CACNB2: variants seen among roughly 807,000 people sequenced by gnomAD.
CACNB2 encodes the protein calcium voltage-gated channel auxiliary subunit beta 2, also known as voltage-dependent L-type calcium channel subunit beta-2.
CACNB2 carries 42 observed loss-of-function variants against 73.3 expected under a neutral mutation model. That is an observed-to-expected ratio of 0.57 (90% confidence interval 0.45 to 0.74). CACNB2 has a LOEUF of 0.74. Among genes scored for constraint, CACNB2 ranks in the 30% least tolerant of loss-of-function variants. The pLI, the probability that CACNB2 is intolerant of heterozygous loss-of-function variation, is 0.00. For missense variants in CACNB2, 940 were observed against 853.0 expected, an observed-to-expected ratio of 1.10 and a Z score of -1.27; for synonymous variants, 348 against 310.3, an observed-to-expected ratio of 1.12 and a Z score of -1.28.
At chr10:18,501,615 A>G (rs1433460313) in intron 5 of CACNB2, among the ~76,000 whole-genome samples, 2 of 152,382 alleles carry the variant, frequency 1.3e-5, no homozygotes, top group African/African-American at 4.8e-5. Context: ...AATCGTATGC[A>G]GACGGGTCTA....
At chr10:18,357,077 T>C (rs2041952261) in intron 2 of CACNB2, among the ~76,000 whole-genome samples, 1 of 150,216 alleles carries the variant, frequency 6.7e-6, no homozygotes, top group Admixed American at 6.7e-5. Flanking sequence ...CCCGTGTAGC[T>C]GGGACTACAG....
intron 3 of CACNB2, among the ~76,000 whole-genome samples, chr10:18,459,204 A>G (rs1020360319): frequency 1.3e-5 from 2 of 152,218 alleles, no homozygotes; most frequent in Admixed American, 6.5e-5. Flanking sequence ...TTGCTGCCTC[A>G]TTGTCACAGC....
In CACNB2 at chr10:18,314,150, A is replaced by G. The variant is rs548578903; in HGVS notation, c.214-87774A>G. ...GATTTTATCACTTGGAAACTCTATA[A>G]TTATCATACTAAATTCCCGATATTG... On this transcript the variant is annotated intron_variant, in intron 2 of 13. Coordinates refer to ENST00000324631, the MANE Select transcript of CACNB2 (RefSeq NM_201596.3). Among the ~76,000 whole-genome samples, 38 of 152,340 alleles carry G rather than the reference A, an allele frequency of 2.5e-4. No individual in the cohort carries two copies. In the Middle Eastern group the frequency reaches 0.01, roughly 41 times the overall value.
chr10:18,524,911 T>C (rs2052313013), intron 9 of CACNB2, among the ~76,000 whole-genome samples: 1 of 150,072 alleles, frequency 6.7e-6, no homozygotes. Context: ...GCACCTGTAG[T>C]CCCAGCTACT....
chr10:18,278,141 G>A (rs2038378822), intron 2 of CACNB2, among the ~76,000 whole-genome samples: 1 of 152,164 alleles, frequency 6.6e-6, no homozygotes, highest in South Asian at 2.1e-4. Context: ...TTATATAACT[G>A]CTATGCATAC....
intron 2 of CACNB2, among the ~76,000 whole-genome samples, chr10:18,323,342 G>A (rs2040465016): frequency 2.0e-5 from 3 of 151,728 alleles, no homozygotes; most frequent in African/African-American, 7.3e-5. Context: ...TTTGTATTTT[G>A]TATGTAAATG....
In CACNB2 at chr10:18,518,420, G is replaced by T. The variant is rs781716255; in HGVS notation, c.885+4G>T. 1 of 1,588,262 alleles carries T rather than the reference G, an allele frequency of 6.3e-7. No homozygotes were observed. Among genetic ancestry groups the T allele is most frequent in the South Asian group, 1.1e-5 (1 of 90,512 alleles). ...CCCTTCTCTGAAGGGCTACGAGGTG[G>T]GTAGCAGCCTTCCACAGGAAGCTTA... On this transcript the variant is annotated splice_donor_region_variant and intron_variant, in intron 8 of 13. Transcript: ENST00000324631.
rs193293247 is a variant in CACNB2, at chr10:18,362,281, T to G, written c.214-39643T>G. On this transcript the variant is annotated intron_variant, in intron 2 of 13. Transcript: ENST00000324631. Reference sequence around the variant, plus strand: ...ATTAAAACATTTTCAACTTAATTTGTATTTCTAAAAAGTCATGATGAATTT... The same window carrying G: ...ATTAAAACATTTTCAACTTAATTTGGATTTCTAAAAAGTCATGATGAATTT... Among the ~76,000 whole-genome samples, 260 of 152,370 alleles carry G rather than the reference T, an allele frequency of 1.7e-3. 1 individual carries two copies. The highest frequency in any genetic ancestry group is 6.1e-3 in the African/African-American group (254 of 41,598).
At chr10:18,526,093 G>A (rs755555307) in intron 9 of CACNB2, among the ~76,000 whole-genome samples, 32 of 152,176 alleles carry the variant, frequency 2.1e-4, no homozygotes, top group Non-Finnish European at 4.0e-4. Flanking sequence ...GAGGTTCTGT[G>A]CTCATAGGCG....
intron 2 of CACNB2, among the ~76,000 whole-genome samples, chr10:18,349,744 C>A (rs1395247020): frequency 6.6e-6 from 1 of 151,678 alleles, no homozygotes; most frequent in African/African-American, 2.4e-5. Context: ...AAAAAAGATC[C>A]TGGAGACAGA....
chr10:18,262,059 T>C (rs1461549485), intron 2 of CACNB2: 1 of 518,204 alleles, frequency 1.9e-6, no homozygotes, highest in African/African-American at 1.9e-5. Flanking sequence ...TCAGGAAGGG[T>C]TGTAAAAGGG....
intron 2 of CACNB2, among the ~76,000 whole-genome samples, chr10:18,243,738 A>G (rs574433632): frequency 6.6e-6 from 1 of 152,216 alleles, no homozygotes; most frequent in Non-Finnish European, 1.5e-5. Flanking sequence ...CATGATTTCT[A>G]CACACACCTG....
At chr10:18,424,209 G>T (rs947431416) in intron 3 of CACNB2, among the ~76,000 whole-genome samples, 3 of 152,144 alleles carry the variant, frequency 2.0e-5, no homozygotes, top group Admixed American at 2.0e-4. Flanking sequence ...AAGAATTCAA[G>T]GGCAAGCCAG....
intron 2 of CACNB2, among the ~76,000 whole-genome samples, chr10:18,382,348 G>A (rs536388839): frequency 1.2e-4 from 18 of 151,694 alleles, no homozygotes; most frequent in South Asian, 4.2e-4. Context: ...AGTATTCTTC[G>A]GTGAGTTAGC....
At chr10:18,351,072 A>T (rs2041685095) in intron 2 of CACNB2, among the ~76,000 whole-genome samples, 1 of 152,064 alleles carries the variant, frequency 6.6e-6, no homozygotes, top group Non-Finnish European at 1.5e-5. Flanking sequence ...AATAGCATAG[A>T]GTCATTCTCA....
chr10:18,218,823 A>C (rs2035613786), intron 2 of CACNB2, among the ~76,000 whole-genome samples: 2 of 151,914 alleles, frequency 1.3e-5, no homozygotes, highest in Admixed American at 1.3e-4. Flanking sequence ...CCAAGATCAT[A>C]CCACTGCACC....
At chr10:18,247,656 T>C (rs993508619) in intron 2 of CACNB2, among the ~76,000 whole-genome samples, 3 of 152,168 alleles carry the variant, frequency 2.0e-5, no homozygotes, top group African/African-American at 4.8e-5. Context: ...ATAGCATCAA[T>C]TGGGTGGCTT....
chr10:18,326,024 C>T (rs1247685442), intron 2 of CACNB2, among the ~76,000 whole-genome samples: 1 of 152,132 alleles, frequency 6.6e-6, no homozygotes, highest in Non-Finnish European at 1.5e-5. Flanking sequence ...GCATGAGCCA[C>T]TGTGCCTAGC....
intron 3 of CACNB2, among the ~76,000 whole-genome samples, chr10:18,466,892 C>T (rs1190094672): frequency 2.0e-5 from 3 of 152,290 alleles, no homozygotes; most frequent in East Asian, 3.9e-4. Context: ...GTGGTTCTCA[C>T]ACCTGTAATC....
Sources: allele counts gnomAD v4.1 joint callset (sites outside exome capture counted in the v4.1 genomes callset), GRCh38; gene constraint gnomAD v4.1.1; transcripts MANE v1.5; gene names NCBI Gene and HGNC (gene_info 2026-07-23, HGNC 2026-07-21).